Variants in EYS observed in about 807,000 individuals in gnomAD.
EYS encodes the protein protein eyes shut homolog.
EYS carries 250 observed loss-of-function variants against 282.1 expected under a neutral mutation model. The ratio of observed to expected loss-of-function variants is 0.89; its 90% CI spans 0.80 to 0.98. The LOEUF (loss-of-function observed/expected upper bound fraction) is 0.98. EYS is among the 50% of genes least tolerant of loss of function. The pLI is 0.00. For synonymous variants in EYS, 1,355 were observed against 1,282.9 expected (o/e 1.06, Z -1.20); for missense variants, 4,016 against 3,709.0 (o/e 1.08, Z -2.15).
At chr6:64,647,503 CAAAT>C (rs1360402994) in intron 22 of EYS, among the ~76,000 whole-genome samples, 4 of 152,068 alleles carry the variant, frequency 2.6e-5, no homozygotes, top group Non-Finnish European at 4.4e-5. Context: ...ATTAAATAAA[CAAAT>C]AGCTATGTAC....
intron 22 of EYS, among the ~76,000 whole-genome samples, chr6:64,765,026 C>A (rs868190636): frequency 6.6e-6 from 1 of 152,114 alleles, no homozygotes; most frequent in Non-Finnish European, 1.5e-5. Flanking sequence ...CGTCAGCCAC[C>A]GCGCCTGCCC....
chr6:63,868,858 T>G (rs1421545953), intron 35 of EYS, among the ~76,000 whole-genome samples: 1 of 152,206 alleles, frequency 6.6e-6, no homozygotes. Flanking sequence ...GTGTGGAGAC[T>G]CTGGCTCTAG....
At chr6:63,828,855 G>A (rs1395670174) in intron 36 of EYS, among the ~76,000 whole-genome samples, 1 of 152,146 alleles carries the variant, frequency 6.6e-6, no homozygotes, top group East Asian at 1.9e-4. Flanking sequence ...CTACACTGCT[G>A]GTGGGAATGT....
At chr6:65,488,899 G>A (rs978186976) in intron 5 of EYS, among the ~76,000 whole-genome samples, 1 of 152,088 alleles carries the variant, frequency 6.6e-6, no homozygotes, top group South Asian at 2.1e-4. Flanking sequence ...TTTAAGAAAT[G>A]GTGTTGGGAA....
At chr6:64,743,862 C>A (rs1161620844) in intron 22 of EYS, among the ~76,000 whole-genome samples, 1 of 151,984 alleles carries the variant, frequency 6.6e-6, no homozygotes, top group Non-Finnish European at 1.5e-5. Context: ...GGAAATGATA[C>A]CAAAGTACTG....
intron 1 of EYS, among the ~76,000 whole-genome samples, chr6:65,657,187 C>T (rs1469700337): frequency 1.3e-5 from 2 of 151,808 alleles, no homozygotes; most frequent in Non-Finnish European, 2.9e-5. Flanking sequence ...AGGGTTCTAA[C>T]AGAGGTATAC....
chr6:64,445,184 G>C (rs1223163423), intron 26 of EYS, among the ~76,000 whole-genome samples: 1 of 152,102 alleles, frequency 6.6e-6, no homozygotes. Context: ...CATATTTGTG[G>C]TGTTTTCTAT....
chr6:65,616,678 C>T (rs912521313), intron 2 of EYS, among the ~76,000 whole-genome samples: 1 of 151,572 alleles, frequency 6.6e-6, no homozygotes, highest in Non-Finnish European at 1.5e-5. Context: ...CCTAGCTACT[C>T]GGAAGGCTGA....
chr6:64,035,367 G>A (rs1690040178), intron 33 of EYS, among the ~76,000 whole-genome samples: 1 of 152,158 alleles, frequency 6.6e-6, no homozygotes, highest in Admixed American at 6.6e-5. Flanking sequence ...AGATGTGATG[G>A]TAAATGCAGT....
chr6:65,656,655 G>A (rs1389338557), intron 1 of EYS, among the ~76,000 whole-genome samples: 1 of 151,896 alleles, frequency 6.6e-6, no homozygotes, highest in Non-Finnish European at 1.5e-5. Context: ...ACTAGCAGAT[G>A]TTTGTTCATG....
At chr6:65,492,340 C>G (rs1436351388) in intron 4 of EYS, among the ~76,000 whole-genome samples, 2 of 145,896 alleles carry the variant, frequency 1.4e-5, no homozygotes, top group African/African-American at 5.2e-5. Flanking sequence ...AAGAAACAAA[C>G]AAACAAAGAG....
At chr6:64,721,652 A>T (rs1405238905) in intron 22 of EYS, among the ~76,000 whole-genome samples, 1 of 152,114 alleles carries the variant, frequency 6.6e-6, no homozygotes, top group South Asian at 2.1e-4. Flanking sequence ...AAAATGAGGG[A>T]AAATCAATTT....
rs1771769855 is a variant in EYS, at chr6:64,076,319, A to T, written c.6571+5537T>A. 2.0e-5 allele frequency among the ~76,000 whole-genome samples: 3 copies of T among 151,992 alleles called. No homozygotes were observed. In the South Asian group the frequency reaches 6.2e-4, roughly 31 times the overall value. Reference sequence around the variant, plus strand: ...GAATAACTCAGAAACAAAACTTAAGAACTATTCTAGCCAAGTACCTATGCT... The same window carrying T: ...GAATAACTCAGAAACAAAACTTAAGTACTATTCTAGCCAAGTACCTATGCT... On this transcript the variant is annotated intron_variant, in intron 32 of 42. Coordinates refer to ENST00000503581, the MANE Select transcript of EYS (RefSeq NM_001142800.2).
At chr6:65,327,787 G>T (rs1769665384) in intron 11 of EYS, among the ~76,000 whole-genome samples, 1 of 151,416 alleles carries the variant, frequency 6.6e-6, no homozygotes, top group Non-Finnish European at 1.5e-5. Flanking sequence ...GAAGTGGTTA[G>T]CTCTTTGCAC....
intron 26 of EYS, among the ~76,000 whole-genome samples, chr6:64,571,233 T>G (rs1765715915): frequency 6.6e-6 from 1 of 152,118 alleles, no homozygotes; most frequent in Non-Finnish European, 1.5e-5. Flanking sequence ...TTGAAACCAA[T>G]GAGAACAAAG....
intron 36 of EYS, 143 bp from the exon 37 acceptor site, chr6:63,806,515 A>G (rs1770913445): frequency 1.6e-6 from 1 of 641,890 alleles, no homozygotes; most frequent in South Asian, 3.1e-5. Context: ...AGCATTGAGC[A>G]ACTAAGTGAC....
chr6:65,393,104 TA>T (rs1199871590), intron 7 of EYS, among the ~76,000 whole-genome samples: 1 of 148,606 alleles, frequency 6.7e-6, no homozygotes, highest in African/African-American at 2.5e-5. Context: ...TTCTCACTCA[TA>T]GGTGGGAATT....
At chr6:64,265,224 T>A (rs948202551) in intron 30 of EYS, among the ~76,000 whole-genome samples, 4 of 152,156 alleles carry the variant, frequency 2.6e-5, no homozygotes, top group Admixed American at 2.0e-4. Flanking sequence ...AATGCCAATA[T>A]GCATTTTGTA....
chr6:63,879,111 G>A (rs1773060451), intron 35 of EYS, among the ~76,000 whole-genome samples: 1 of 152,124 alleles, frequency 6.6e-6, no homozygotes, highest in African/African-American at 2.4e-5. Flanking sequence ...ATTTCAGGGA[G>A]AAAAATATCT....
Sources: allele counts gnomAD v4.1 joint callset (sites outside exome capture counted in the v4.1 genomes callset), GRCh38; gene constraint gnomAD v4.1.1; transcripts MANE v1.5; gene names NCBI Gene and HGNC (gene_info 2026-07-23, HGNC 2026-07-21).